UNC80: variants seen among roughly 807,000 people sequenced by gnomAD.
UNC80 encodes the protein unc-80 subunit of NALCN channel complex, also known as protein unc-80 homolog.
Under a neutral mutation model 384.6 loss-of-function variants are expected in UNC80, and 164 were observed. That is an observed-to-expected ratio of 0.43 (90% CI 0.38 to 0.49). UNC80 has a LOEUF of 0.49. Ranked by LOEUF, UNC80 falls within the 20% of genes least tolerant of loss-of-function variation. The pLI, the probability that UNC80 is intolerant of heterozygous loss-of-function variation, is 0.00. For missense variants in UNC80, 3,330 were observed against 4,143.0 expected, an observed-to-expected ratio of 0.80 and a Z score of 5.39; for synonymous variants, 1,486 against 1,527.8, an observed-to-expected ratio of 0.97 and a Z score of 0.64.
At position 209,976,969 on chromosome 2, in the gene UNC80, C is replaced by G. The variant is rs947131639; in HGVS notation, c.8829C>G (p.Ala2943=). 2 of 1,532,180 alleles carry G rather than the reference C, an allele frequency of 1.3e-6. No individual in the cohort carries two copies. Among genetic ancestry groups the G allele is most frequent in the African/African-American group, 1.4e-5 (1 of 72,752 alleles). The allele number at this position is 1,532,180 out of a possible 1,614,324, so 94.9% of individuals were successfully genotyped here. A position where few individuals can be genotyped will look rare whatever the true frequency, so the allele number is the denominator to read the frequency against. The change falls in exon 58 of 65, where the codon GCC becomes GCG. Residue 2943 remains alanine, a synonymous_variant. Coordinates refer to ENST00000673920, the MANE Select transcript of UNC80 (RefSeq NM_001371986.1). The surrounding 1 kb of genome is among the most constrained non-coding windows in gnomAD (Gnocchi z 4.3). ...HEELSARQHI[A]DQLERRFIPR... ...AGCTTTCCGCCCGGCAACATATTGC[C>G]GACCAGCTGGAGCGGCGCTTCATAC...
In UNC80 at chr2:209,918,561, T is replaced by C; in HGVS notation, c.5241T>C (p.Leu1747=). ...KIPPPSINFT[L]PSPVLGMPSV... ...CGCCTCCCAGTATCAATTTCACCCT[T>C]CCCTCGCCGGTGCTTGGAATGCCAT... Residue 1747 remains leucine, a synonymous_variant, in exon 33 of 65, where the codon CTT becomes CTC. Transcript: ENST00000673920. 6.4e-7 allele frequency: 1 copy of C among 1,552,180 alleles called. No homozygotes were observed. The highest frequency in any genetic ancestry group is 8.7e-7 in the Non-Finnish European group (1 of 1,147,096).
intron 28 of UNC80, among the ~76,000 whole-genome samples, chr2:209,897,197 A>G (rs1333791047): frequency 6.6e-6 from 1 of 152,142 alleles, no homozygotes; most frequent in Non-Finnish European, 1.5e-5. Context: ...AGTGAACTCT[A>G]ACCTACCCAC....
At position 209,930,982 on chromosome 2, in the gene UNC80, C is replaced by T; in HGVS notation, c.5922C>T (p.Tyr1974=). 6.5e-7 allele frequency: 1 copy of T among 1,548,968 alleles called. No individual in the cohort carries two copies. Among genetic ancestry groups the T allele is most frequent in the Non-Finnish European group, 8.7e-7 (1 of 1,145,130 alleles). ...TISNRQDELM[Y]MLRKLLLNIG... is the part of the protein sequence containing the mutation. Reference sequence around the variant, plus strand: ...TCTTCTTTCAGGATGAGTTAATGTACATGCTGCGCAAACTTCTCTTGAATA... The same window carrying T: ...TCTTCTTTCAGGATGAGTTAATGTATATGCTGCGCAAACTTCTCTTGAATA... The change falls in exon 38 of 65, where the codon TAC becomes TAT. Residue 1974 remains tyrosine, a synonymous_variant. Coordinates refer to ENST00000673920, the MANE Select transcript of UNC80 (RefSeq NM_001371986.1).
chr2:209,918,576 TG>T lies in UNC80; in HGVS notation c.5258del (p.Gly1753GlufsTer48). On this transcript the variant is annotated frameshift_variant, in exon 33 of 65. Coordinates refer to ENST00000673920, the MANE Select transcript of UNC80 (RefSeq NM_001371986.1). LOFTEE classifies it high-confidence loss of function. ...ATTTCACCCTTCCCTCGCCGGTGCT[TG>T]GAATGCCATCCGTCCCAATGTTTGA... ...INFTLPSPVL[G>X]MPSVPMFDPP... 6.4e-7 allele frequency: 1 copy of T among 1,552,220 alleles called. No individual in the cohort carries two copies. The highest frequency in any genetic ancestry group is 8.7e-7 in the Non-Finnish European group (1 of 1,147,084).
intron 22 of UNC80, among the ~76,000 whole-genome samples, chr2:209,870,195 T>G (rs2084174725): frequency 6.6e-6 from 1 of 152,132 alleles, no homozygotes; most frequent in Admixed American, 6.5e-5. Context: ...GTTACCTATG[T>G]CTTTCTGTCA....
intron 43 of UNC80, among the ~76,000 whole-genome samples, chr2:209,940,973 A>G (rs1437637547): frequency 1.3e-5 from 2 of 152,220 alleles, no homozygotes; most frequent in African/African-American, 4.8e-5. Flanking sequence ...ATTTAGCAGT[A>G]AAACACTGCC....
At chr2:209,912,809 G>A in intron 30 of UNC80, 142 bp downstream of exon 30, 1 of 585,968 alleles carries the variant, frequency 1.7e-6, no homozygotes, top group South Asian at 2.3e-5. Flanking sequence ...GAGCAAGAGT[G>A]CCACCAAGTG....
At chr2:209,816,556 C>G (rs1358901670) in intron 9 of UNC80, among the ~76,000 whole-genome samples, 1 of 152,192 alleles carries the variant, frequency 6.6e-6, no homozygotes, top group African/African-American at 2.4e-5. Flanking sequence ...TTAAGACACA[C>G]ATTGCTGGAC....
Position 209,935,680 on chromosome 2 carries a change from A to G in UNC80, c.6179-34A>G. The G allele has an allele frequency of 7.5e-6, 9 of 1,204,878 alleles. No individual in the cohort carries two copies. In the South Asian group the frequency reaches 1.4e-4, roughly 18 times the overall value. 74.6% of individuals were successfully genotyped at this position (1,204,878 alleles called of 1,614,324 possible). A position where few individuals can be genotyped will look rare whatever the true frequency, so the allele number is the denominator to read the frequency against. On this transcript the variant is annotated intron_variant, in intron 39 of 64. Coordinates refer to ENST00000673920, the MANE Select transcript of UNC80 (RefSeq NM_001371986.1). ...TTTAAAATACAAATTTTCTATAGTA[A>G]AAGTCAGTTTGTTATTATTTTTATC... is the stretch of plus-strand genomic sequence containing the variant.
chr2:209,846,298 A>G (rs2082166023), intron 21 of UNC80, among the ~76,000 whole-genome samples: 1 of 152,150 alleles, frequency 6.6e-6, no homozygotes, highest in Non-Finnish European at 1.5e-5. Context: ...AATTGAAATT[A>G]CATTCAGAAA....
intron 49 of UNC80, 71 bp from the exon 50 acceptor site, chr2:209,959,048 G>A (rs75984535): frequency 3.4e-5 from 46 of 1,343,536 alleles, no homozygotes; most frequent in Admixed American, 1.6e-4. Context: ...TATGAAAGTC[G>A]ATAAGAAGCC....
At chr2:209,913,300 T>A (rs1400302205) in intron 30 of UNC80, among the ~76,000 whole-genome samples, 1 of 152,186 alleles carries the variant, frequency 6.6e-6, no homozygotes, top group Non-Finnish European at 1.5e-5. Context: ...TTGTCAGAAA[T>A]AATGGATAAA....
rs904613800 is a variant in UNC80 at position 209,786,084 on chromosome 2, C to A, written c.619C>A (p.Arg207Ser). ...CCCCTAGGAATCTGACCTCACCTTCCGTCTGGCCAGTGGGCTTGTTATATG... is the reference window on the plus strand; with the variant it reads ...CCCCTAGGAATCTGACCTCACCTTCAGTCTGGCCAGTGGGCTTGTTATATG... Reference protein sequence around the residue: ...HRIKESDLTFRLASGLVIWQP... With the variant: ...HRIKESDLTFSLASGLVIWQP... The change falls in exon 5 of 65, where the codon CGT becomes AGT. Residue 207 changes from arginine (R) to serine (S), a missense_variant. Transcript: ENST00000673920. 6.2e-7 allele frequency: 1 copy of A among 1,613,756 alleles called. No individual in the cohort carries two copies. The highest frequency in any genetic ancestry group is 8.5e-7 in the Non-Finnish European group (1 of 1,179,886).
chr2:209,916,435 G>A (rs750625714), intron 31 of UNC80, among the ~76,000 whole-genome samples: 29 of 152,162 alleles, frequency 1.9e-4, no homozygotes, highest in South Asian at 6.2e-4. Context: ...GAGGATTCGT[G>A]AGCATTACAA....
chr2:209,777,434 G>A lies in UNC80; in HGVS notation c.475G>A (p.Gly159Arg). Residue 159 changes from glycine to arginine, a missense_variant, in exon 4 of 65, where the codon GGG (glycine) becomes AGG (arginine). Coordinates refer to ENST00000673920, the MANE Select transcript of UNC80 (RefSeq NM_001371986.1). ...IHQVENQGSP[G>R]QPCQSSSNDE... is the part of the protein sequence containing the mutation. ...CCAGGTTGAAAACCAGGGTTCTCCA[G>A]GGCAGCCTTGCCAAAGCAGCTCTAA... 6.2e-7 allele frequency: 1 copy of A among 1,614,160 alleles called. No homozygotes were observed. Among genetic ancestry groups the A allele is most frequent in the Non-Finnish European group, 8.5e-7 (1 of 1,180,028 alleles).
At chr2:209,818,867 T>C (rs970867835) in intron 11 of UNC80, 126 bp from the exon 12 acceptor site, 1 of 1,147,974 alleles carries the variant, frequency 8.7e-7, no homozygotes, top group African/African-American at 1.6e-5. Flanking sequence ...GCTTTGAGAC[T>C]ATAAGTTAAA....
intron 51 of UNC80, among the ~76,000 whole-genome samples, chr2:209,962,898 C>T (rs971826163): frequency 2.0e-5 from 3 of 152,080 alleles, no homozygotes; most frequent in African/African-American, 4.8e-5. Context: ...AGTATTAAAT[C>T]GTTCTTAAAT....
intron 23 of UNC80, among the ~76,000 whole-genome samples, chr2:209,875,096 A>G (rs1437260625): frequency 6.6e-6 from 1 of 152,014 alleles, no homozygotes; most frequent in Non-Finnish European, 1.5e-5. Context: ...TGCATCCTAC[A>G]CACTGTCAGT....
At chr2:209,899,155 G>T (rs2087112366) in intron 28 of UNC80, among the ~76,000 whole-genome samples, 1 of 151,980 alleles carries the variant, frequency 6.6e-6, no homozygotes, top group South Asian at 2.1e-4. Context: ...TACTCTTCTT[G>T]GTCCTGCTCC....
Sources: gnomAD v4.1 joint callset for allele counts (sites outside exome capture counted in the v4.1 genomes callset) on GRCh38, gnomAD v4.1.1 for gene constraint, Gnocchi (gnomAD v3.1) non-coding constraint, MANE v1.5 for transcripts, NCBI Gene and HGNC (gene_info 2026-07-23, HGNC 2026-07-21) for gene names.